The following ADAMTS12 variants were observed in gnomAD, a reference collection of about 807,000 sequenced individuals.
The protein encoded by ADAMTS12 is ADAM metallopeptidase with thrombospondin type 1 motif 12, also known as A disintegrin and metalloproteinase with thrombospondin motifs 12.
Under a neutral mutation model 167.8 loss-of-function variants are expected in ADAMTS12, and 118 were observed. The observed-to-expected ratio is 0.70, with a 90% CI of 0.61 to 0.82. ADAMTS12 has a LOEUF of 0.82. Ranked by LOEUF, ADAMTS12 falls within the 40% of genes least tolerant of loss-of-function variation. The pLI, the probability that ADAMTS12 is intolerant of heterozygous loss-of-function variation, is 0.00. For missense variants in ADAMTS12, 1,916 were observed against 1,998.8 expected (o/e 0.96, Z 0.79); for synonymous variants, 704 against 716.9 (o/e 0.98, Z 0.29).
At chr5:33,611,800 C>T (rs867732683) in intron 16 of ADAMTS12, among the ~76,000 whole-genome samples, 4 of 151,952 alleles carry the variant, frequency 2.6e-5, no homozygotes, top group African/African-American at 7.3e-5. Flanking sequence ...AAAAAGTATC[C>T]GTATTGTGAT....
At chr5:33,725,777 G>T (rs1743960820) in intron 3 of ADAMTS12, among the ~76,000 whole-genome samples, 1 of 152,124 alleles carries the variant, frequency 6.6e-6, no homozygotes, top group Admixed American at 6.5e-5. Flanking sequence ...TATCAAAGTA[G>T]GTTCCCAGGA....
chr5:33,719,951 T>G (rs554656472), intron 3 of ADAMTS12, among the ~76,000 whole-genome samples: 1 of 152,218 alleles, frequency 6.6e-6, no homozygotes, highest in African/African-American at 2.4e-5. Flanking sequence ...AAAGCACTCA[T>G]GTGTATCTGC....
chr5:33,795,067 C>T (rs2112463602), intron 2 of ADAMTS12, among the ~76,000 whole-genome samples: 1 of 152,288 alleles, frequency 6.6e-6, no homozygotes, highest in South Asian at 2.1e-4. Flanking sequence ...CTTACGTGTA[C>T]AGCAAAGTCT....
intron 2 of ADAMTS12, among the ~76,000 whole-genome samples, chr5:33,778,284 T>C (rs1409864187): frequency 2.0e-5 from 3 of 152,196 alleles, no homozygotes; most frequent in East Asian, 3.9e-4. Context: ...TACAAAGCTA[T>C]AATAATCAAA....
At chr5:33,596,164 G>T in intron 16 of ADAMTS12, 104 bp from the exon 17 acceptor site, 1 of 1,430,474 alleles carries the variant, frequency 7.0e-7, no homozygotes, top group South Asian at 1.4e-5. Flanking sequence ...GACGGCTGAT[G>T]GGAAAGTTGT....
intron 7 of ADAMTS12, among the ~76,000 whole-genome samples, chr5:33,654,886 G>GGGTGATTT (rs1740994777): frequency 6.6e-6 from 1 of 151,010 alleles, no homozygotes; most frequent in Non-Finnish European, 1.5e-5. Context: ...GTGTGTGTGT[G>GGGTGATTT]TGTGTGTGTG....
intron 1 of ADAMTS12, 68 bp from the exon 2 acceptor site, chr5:33,881,548 G>A (rs1374331232): frequency 1.3e-6 from 2 of 1,528,610 alleles, no homozygotes; most frequent in Non-Finnish European, 1.7e-6. Flanking sequence ...ACTTTCGTTT[G>A]GAACTTGAAT....
At chr5:33,829,576 A>G (rs1748218818) in intron 2 of ADAMTS12, among the ~76,000 whole-genome samples, 1 of 152,114 alleles carries the variant, frequency 6.6e-6, no homozygotes, top group African/African-American at 2.4e-5. Context: ...AACTGCATAG[A>G]AGGAGGATCT....
chr5:33,534,441 G>C (rs1744272952), intron 23 of ADAMTS12, among the ~76,000 whole-genome samples: 1 of 152,144 alleles, frequency 6.6e-6, no homozygotes, highest in African/African-American at 2.4e-5. Context: ...TAATGCAGTG[G>C]TACCAGATTT....
At chr5:33,778,792 C>G (rs1466531963) in intron 2 of ADAMTS12, among the ~76,000 whole-genome samples, 2 of 151,858 alleles carry the variant, frequency 1.3e-5, no homozygotes, top group Non-Finnish European at 2.9e-5. Flanking sequence ...GGTAAATATC[C>G]AAAATACATA....
At chr5:33,844,056 TGGA>T (rs1748849143) in intron 2 of ADAMTS12, among the ~76,000 whole-genome samples, 2 of 152,210 alleles carry the variant, frequency 1.3e-5, no homozygotes, top group African/African-American at 4.8e-5. Flanking sequence ...GAAGATTTCA[TGGA>T]CACTTATCAC....
At chr5:33,553,035 A>G (rs757912928) in intron 20 of ADAMTS12, among the ~76,000 whole-genome samples, 1 of 152,132 alleles carries the variant, frequency 6.6e-6, no homozygotes, top group Non-Finnish European at 1.5e-5. Context: ...ACAAACAACC[A>G]TATAAAAAAG....
intron 2 of ADAMTS12, among the ~76,000 whole-genome samples, chr5:33,859,673 GCCT>G (rs1749529870): frequency 6.6e-6 from 1 of 152,202 alleles, no homozygotes; most frequent in Admixed American, 6.5e-5. Context: ...GGGACAGACT[GCCT>G]CCTCAAGTGA....
intron 2 of ADAMTS12, among the ~76,000 whole-genome samples, chr5:33,789,269 C>T (rs1746441101): frequency 6.6e-6 from 1 of 152,180 alleles, no homozygotes; most frequent in East Asian, 1.9e-4. Flanking sequence ...TGCTGTCCCA[C>T]CATGGATGTC....
At chr5:33,587,041 T>G (rs192510814) in intron 18 of ADAMTS12, among the ~76,000 whole-genome samples, 8 of 152,118 alleles carry the variant, frequency 5.3e-5, no homozygotes, top group Admixed American at 5.2e-4. Flanking sequence ...ATTTTCTGTT[T>G]CTTTTTTTTT....
intron 7 of ADAMTS12, among the ~76,000 whole-genome samples, chr5:33,654,753 G>GT (rs1299925035): frequency 1.3e-5 from 2 of 152,134 alleles, no homozygotes; most frequent in African/African-American, 2.4e-5. Flanking sequence ...CAGTTGTACA[G>GT]TTTTTTCTTT....
At position 33,729,229 on chromosome 5, in the gene ADAMTS12, C is replaced by T. The variant is rs144817110; in HGVS notation, c.634+22175G>A. On this transcript the variant is annotated intron_variant, in intron 3 of 23. Transcript: ENST00000504830. The stretch of plus-strand genomic sequence containing the variant: ...ATAGCAATTCATGAATCAAGCAGCC[C>T]CAAGCCAGAAGTGCTTCAGGGGTTC... Among the ~76,000 whole-genome samples, 190 of 152,208 alleles carry T rather than the reference C, an allele frequency of 1.2e-3. 1 individual carries two copies. The highest frequency in any genetic ancestry group is 4.1e-3 in the African/African-American group (169 of 41,532).
chr5:33,582,062 A>G (rs1387868688), intron 18 of ADAMTS12, among the ~76,000 whole-genome samples: 1 of 152,202 alleles, frequency 6.6e-6, no homozygotes, highest in Non-Finnish European at 1.5e-5. Context: ...CATGTGAGAC[A>G]ACAAATTCCT....
chr5:33,642,702 A>AG (rs1356265517), intron 10 of ADAMTS12, among the ~76,000 whole-genome samples: 1 of 152,172 alleles, frequency 6.6e-6, no homozygotes, highest in African/African-American at 2.4e-5. Context: ...CATTTCCTGG[A>AG]GGATTTGGAC....
Sources: gnomAD v4.1 joint callset for allele counts (sites outside exome capture counted in the v4.1 genomes callset) on GRCh38, gnomAD v4.1.1 for gene constraint, MANE v1.5 for transcripts, NCBI Gene and HGNC (gene_info 2026-07-23, HGNC 2026-07-21) for gene names.